Variants in STK39 observed in about 807,000 individuals in gnomAD.
STK39 encodes the protein STE20/SPS1-related proline-alanine-rich protein kinase.
A neutral mutation model predicts 77.8 loss-of-function variants in STK39; 20 were observed. The ratio of observed to expected loss-of-function variants is 0.26; its 90% CI spans 0.18 to 0.37. STK39 has a LOEUF of 0.37. Ranked by LOEUF, STK39 falls within the 10% of genes least tolerant of loss-of-function variation. The pLI, the probability that STK39 is intolerant of heterozygous loss-of-function variation, is 1.00. For synonymous variants in STK39, 246 were observed against 234.1 expected (o/e 1.05, Z -0.47); for missense variants, 479 against 656.5 (o/e 0.73, Z 2.95).
At chr2:168,154,867 G>A (rs947087467) in intron 5 of STK39, among the ~76,000 whole-genome samples, 5 of 152,170 alleles carry the variant, frequency 3.3e-5, no homozygotes, top group Admixed American at 1.3e-4. Flanking sequence ...CCCACAGAAG[G>A]AGCAGGCTAT....
intron 1 of STK39, among the ~76,000 whole-genome samples, chr2:168,217,759 T>TG (rs1466902596): frequency 6.6e-6 from 1 of 152,198 alleles, no homozygotes; most frequent in East Asian, 1.9e-4. Context: ...AGTCTGTACA[T>TG]GTTCAGTACA....
chr2:168,092,028 T>C (rs1037525127), intron 10 of STK39, among the ~76,000 whole-genome samples: 1 of 152,232 alleles, frequency 6.6e-6, no homozygotes, highest in Non-Finnish European at 1.5e-5. Context: ...TATTCAAAAC[T>C]GGATCCCCCC....
chr2:168,141,797 G>A (rs919098617), intron 5 of STK39, among the ~76,000 whole-genome samples: 15 of 152,282 alleles, frequency 9.9e-5, no homozygotes, highest in Admixed American at 8.5e-4. Flanking sequence ...CTGTCAGGGT[G>A]ACAGCAATTA....
chr2:168,185,771 G>A (rs1415039980), intron 1 of STK39, among the ~76,000 whole-genome samples: 4 of 152,054 alleles, frequency 2.6e-5, no homozygotes, highest in African/African-American at 7.2e-5. Context: ...CTTCCTCTTT[G>A]CATTTAGTGC....
chr2:168,185,197 G>A (rs2105638118), intron 1 of STK39, among the ~76,000 whole-genome samples: 1 of 152,238 alleles, frequency 6.6e-6, no homozygotes, highest in South Asian at 2.1e-4. Flanking sequence ...CACCCCTTTT[G>A]GAATAAGAGT....
intron 3 of STK39, among the ~76,000 whole-genome samples, chr2:168,166,860 T>C (rs1181426261): frequency 1.3e-5 from 2 of 152,022 alleles, no homozygotes; most frequent in Non-Finnish European, 2.9e-5. Flanking sequence ...ACCTGAACAA[T>C]GTTAAAAAGA....
At chr2:168,198,733 C>T (rs1689537557) in intron 1 of STK39, among the ~76,000 whole-genome samples, 1 of 152,200 alleles carries the variant, frequency 6.6e-6, no homozygotes, top group African/African-American at 2.4e-5. Flanking sequence ...GAAGACTCAG[C>T]GTTCACTAGG....
chr2:168,159,308 G>A (rs878968230), intron 5 of STK39, among the ~76,000 whole-genome samples: 2 of 151,986 alleles, frequency 1.3e-5, no homozygotes, highest in Admixed American at 1.3e-4. Flanking sequence ...TGTCCAGGTA[G>A]CAACAAAAAG....
In STK39 at chr2:168,242,560, AAT is replaced by A. The variant is rs59941306; in HGVS notation, c.208+4666_208+4667del. Reference sequence around the variant, plus strand: ...CAAGACTCTTACAAAAAAAAAAAAAAATATATATATATATATATATATATATA... The same window carrying A: ...CAAGACTCTTACAAAAAAAAAAAAAAATATATATATATATATATATATATA... On this transcript the variant is annotated intron_variant, in intron 1 of 17. Transcript: ENST00000355999. Among the ~76,000 whole-genome samples, 84 of 44,852 alleles carry A rather than the reference AAT, an allele frequency of 1.9e-3. 2 individuals are homozygous for A. Among genetic ancestry groups the A allele is most frequent in the South Asian group, 0.014 (19 of 1,380 alleles). The allele number at this position is 44,852 out of a possible 152,430, so 29.4% of individuals were successfully genotyped here. A position where few individuals can be genotyped will look rare whatever the true frequency, so the allele number is the denominator to read the frequency against.
rs1458623915 is a variant in STK39 at position 168,247,371 on chromosome 2, G to C, written c.65C>G (p.Ala22Gly). 13 of 1,006,616 alleles carry C rather than the reference G, an allele frequency of 1.3e-5. No homozygotes were observed. Among genetic ancestry groups the C allele is most frequent in the Non-Finnish European group, 1.6e-5 (13 of 814,608 alleles). 62.4% of individuals were successfully genotyped at this position (1,006,616 alleles called of 1,614,324 possible). A position where few individuals can be genotyped will look rare whatever the true frequency, so the allele number is the denominator to read the frequency against. ...QLPQQAAPVT[A>G]AAAAAPAAAT... Reference sequence around the variant, plus strand: ...GGCCGCCGGGGCCGCCGCCGCCGCCGCTGTCACCGGGGCCGCCTGCTGGGG... The same window carrying C: ...GGCCGCCGGGGCCGCCGCCGCCGCCCCTGTCACCGGGGCCGCCTGCTGGGG... Residue 22 changes from alanine to glycine, a missense_variant, in exon 1 of 18, where the codon GCG (alanine) becomes GGG (glycine). Transcript: ENST00000355999.
chr2:167,993,758 G>A (rs1389129392), intron 16 of STK39, among the ~76,000 whole-genome samples: 1 of 152,176 alleles, frequency 6.6e-6, no homozygotes, highest in Non-Finnish European at 1.5e-5. Context: ...TTCTCCTGGA[G>A]AATCATTCCA....
intron 1 of STK39, among the ~76,000 whole-genome samples, chr2:168,243,426 A>C (rs1690821501): frequency 6.6e-6 from 1 of 152,246 alleles, no homozygotes; most frequent in Admixed American, 6.5e-5. Flanking sequence ...AACCATGTCC[A>C]GGATTCTAGA....
rs545105030 is a variant in STK39, at chr2:168,032,360, T to C, written c.1377-15265A>G. Among the ~76,000 whole-genome samples, 25 of 152,344 alleles carry C rather than the reference T, an allele frequency of 1.6e-4. No individual in the cohort carries two copies. In the South Asian group the frequency reaches 4.1e-3, roughly 25 times the overall value. Reference sequence around the variant, plus strand: ...TTGAAAAACTTGTTCTTTGAGAATGTTGAATAAGCAACACCCAGGGGTGTA... The same window carrying C: ...TTGAAAAACTTGTTCTTTGAGAATGCTGAATAAGCAACACCCAGGGGTGTA... On this transcript the variant is annotated intron_variant, in intron 14 of 17. Coordinates refer to ENST00000355999, the MANE Select transcript of STK39 (RefSeq NM_013233.3).
In STK39 at chr2:168,102,903, C is replaced by G. The variant is rs538002083; in HGVS notation, c.1089+26638G>C. 3.1e-3 allele frequency among the ~76,000 whole-genome samples: 417 copies of G among 136,364 alleles called. 1 individual carries two copies. Among genetic ancestry groups the G allele is most frequent in the African/African-American group, 0.012 (400 of 34,386 alleles). 89.5% of individuals were successfully genotyped at this position (136,364 alleles called of 152,430 possible). A position where few individuals can be genotyped will look rare whatever the true frequency, so the allele number is the denominator to read the frequency against. ...CGAGATTGCACCACTGCACTCCAGC[C>G]TGGGCGACAGAGCGAGAATCCGTCT... On this transcript the variant is annotated intron_variant, in intron 10 of 17. Transcript: ENST00000355999.
chr2:167,993,322 G>T (rs58056335), intron 16 of STK39, among the ~76,000 whole-genome samples: 34,238 of 152,172 alleles, frequency 0.22, 5,038 homozygotes, highest in Non-Finnish European at 0.33. Context: ...GGAGAAGATT[G>T]TTGGGGACTT....
At chr2:168,185,801 CA>C (rs1456051162) in intron 1 of STK39, among the ~76,000 whole-genome samples, 3 of 152,090 alleles carry the variant, frequency 2.0e-5, no homozygotes, top group African/African-American at 4.8e-5. Context: ...AAAAAAGCAG[CA>C]AAAAGATATT....
chr2:167,998,774 A>G (rs1299460822), intron 16 of STK39, among the ~76,000 whole-genome samples: 1 of 152,224 alleles, frequency 6.6e-6, no homozygotes, highest in Non-Finnish European at 1.5e-5. Flanking sequence ...TCCTTTGCAC[A>G]TAAATGAACC....
Position 168,164,163 on chromosome 2 carries a change from G to C in STK39, c.431-283C>G, listed in dbSNP as rs556136764. Among the ~76,000 whole-genome samples, 16 of 152,228 alleles carry C rather than the reference G, an allele frequency of 1.1e-4. No homozygotes were observed. The South Asian group carries it at 3.3e-3, about 32-fold the overall frequency. ...ATGGCTGGTTCCTTTTCTGGTTACA[G>C]TATTTCTCACAAAAATTCCTAAGAG... On this transcript the variant is annotated intron_variant, in intron 3 of 17. Transcript: ENST00000355999.
At chr2:168,171,671 T>C (rs1300136635) in intron 2 of STK39, among the ~76,000 whole-genome samples, 1 of 151,872 alleles carries the variant, frequency 6.6e-6, no homozygotes, top group African/African-American at 2.4e-5. Context: ...AAATTTTTTG[T>C]AGAGACAGGG....
Sources: gnomAD v4.1 joint callset for allele counts (sites outside exome capture counted in the v4.1 genomes callset) on GRCh38, gnomAD v4.1.1 for gene constraint, MANE v1.5 for transcripts, NCBI Gene and HGNC (gene_info 2026-07-23, HGNC 2026-07-21) for gene names.